The following ACMSD variants were observed in gnomAD, a reference collection of about 807,000 sequenced individuals.
The protein encoded by ACMSD is 2-amino-3-carboxymuconate-6-semialdehyde decarboxylase.
ACMSD carries 37 observed loss-of-function variants against 45.9 expected under a neutral mutation model. That is an observed-to-expected ratio of 0.81 (90% CI 0.62 to 1.06). The LOEUF (loss-of-function observed/expected upper bound fraction) is 1.06. ACMSD is among the 50% of genes least tolerant of loss of function. The pLI, the probability that ACMSD is intolerant of heterozygous loss-of-function variation, is 0.00. For synonymous variants in ACMSD, 138 were observed against 148.8 expected (o/e 0.93, Z 0.53); for missense variants, 434 against 420.9 (o/e 1.03, Z -0.27).
chr2:134,877,805 A>G (rs143536594), intron 8 of ACMSD, among the ~76,000 whole-genome samples: 1 of 152,272 alleles, frequency 6.6e-6, no homozygotes, highest in African/African-American at 2.4e-5. Flanking sequence ...TAATTCCATC[A>G]CATTTTATTC....
At chr2:134,840,226 A>AT (rs1426275836) in intron 1 of ACMSD, among the ~76,000 whole-genome samples, 18 of 134,872 alleles carry the variant, frequency 1.3e-4, no homozygotes, top group African/African-American at 5.0e-4. Flanking sequence ...TTTTTTCTCT[A>AT]TTTGAGTATG....
chr2:134,900,833 T>A (rs1690458401), intron 9 of ACMSD, among the ~76,000 whole-genome samples: 1 of 152,194 alleles, frequency 6.6e-6, no homozygotes. Flanking sequence ...TGGGTTATAG[T>A]GTATGGATGC....
rs749014739 is a variant in ACMSD, at chr2:134,898,369, C to T, written c.878C>T (p.Pro293Leu). 121 of 1,597,820 alleles carry T rather than the reference C, an allele frequency of 7.6e-5. No homozygotes were observed. Among genetic ancestry groups the T allele is most frequent in the Non-Finnish European group, 9.4e-5 (110 of 1,173,370 alleles). ...AAAGTCATTTTGGGAACCGATTACC[C>T]CTTTCCACTAGGTGAGCTGGAACCT... ...KDKVILGTDY[P>L]FPLGELEPGK... Residue 293 changes from proline to leucine, a missense_variant, in exon 9 of 10, where the codon CCC (proline) becomes CTC (leucine). By Grantham distance (98) the Pro-to-Leu change is moderately conservative. Coordinates refer to ENST00000356140, the MANE Select transcript of ACMSD (RefSeq NM_138326.3).
intron 1 of ACMSD, among the ~76,000 whole-genome samples, chr2:134,843,231 G>A (rs1686888118): frequency 6.6e-6 from 1 of 152,184 alleles, no homozygotes; most frequent in East Asian, 1.9e-4. Flanking sequence ...AGCAGGGGTT[G>A]AGGGCACAAG....
chr2:134,856,905 G>T (rs943681020), intron 2 of ACMSD, among the ~76,000 whole-genome samples: 8 of 151,020 alleles, frequency 5.3e-5, no homozygotes, highest in Middle Eastern at 3.4e-3. Context: ...GAAATGTATG[G>T]TTTTTTTTTC....
At chr2:134,859,943 C>A (rs1392275567) in intron 3 of ACMSD, among the ~76,000 whole-genome samples, 1 of 152,170 alleles carries the variant, frequency 6.6e-6, no homozygotes, top group Non-Finnish European at 1.5e-5. Context: ...GAACATCTTG[C>A]ACTTTTTACC....
At chr2:134,880,992 T>G (rs559175828) in intron 8 of ACMSD, among the ~76,000 whole-genome samples, 1 of 152,200 alleles carries the variant, frequency 6.6e-6, no homozygotes, top group East Asian at 1.9e-4. Flanking sequence ...TCTATTCATA[T>G]GTTATTCACT....
intron 8 of ACMSD, among the ~76,000 whole-genome samples, chr2:134,888,479 A>G (rs938823816): frequency 8.5e-5 from 13 of 152,198 alleles, no homozygotes; most frequent in African/African-American, 2.9e-4. Flanking sequence ...ACCTAAGAGA[A>G]CTGAAAATAC....
At chr2:134,839,741 T>C (rs561498324) in intron 1 of ACMSD, among the ~76,000 whole-genome samples, 2 of 152,156 alleles carry the variant, frequency 1.3e-5, no homozygotes, top group African/African-American at 2.4e-5. Context: ...AAAAACAAAA[T>C]CTTTGAAAGC....
At chr2:134,872,129 T>C (rs1459181423) in intron 7 of ACMSD, among the ~76,000 whole-genome samples, 1 of 152,018 alleles carries the variant, frequency 6.6e-6, no homozygotes. Flanking sequence ...ACTAATTTTT[T>C]TGTATTTTTA....
chr2:134,894,553 A>G (rs890364709), intron 8 of ACMSD, among the ~76,000 whole-genome samples: 2 of 152,150 alleles, frequency 1.3e-5, no homozygotes, highest in African/African-American at 4.8e-5. Context: ...GAATTAAAAC[A>G]AATTCTTCAC....
intron 9 of ACMSD, among the ~76,000 whole-genome samples, chr2:134,899,557 C>A (rs2104975592): frequency 6.6e-6 from 1 of 152,112 alleles, no homozygotes; most frequent in East Asian, 1.9e-4. Context: ...AGATGACCCA[C>A]ATATCCTGAT....
chr2:134,879,353 T>C (rs1422471985), intron 8 of ACMSD, among the ~76,000 whole-genome samples: 3 of 152,224 alleles, frequency 2.0e-5, no homozygotes, highest in African/African-American at 4.8e-5. Context: ...ATAAGAGTCT[T>C]TACAAGGACC....
intron 2 of ACMSD, among the ~76,000 whole-genome samples, chr2:134,855,094 A>G (rs1687519759): frequency 6.6e-6 from 1 of 152,084 alleles, no homozygotes; most frequent in Non-Finnish European, 1.5e-5. Context: ...ATGAAAAGAC[A>G]TGTGTTCCTA....
chr2:134,865,361 C>T (rs142446201), intron 5 of ACMSD, among the ~76,000 whole-genome samples: 8 of 152,260 alleles, frequency 5.3e-5, no homozygotes, highest in African/African-American at 1.9e-4. Context: ...ACAGTGTGAT[C>T]GAGACTTCAG....
At chr2:134,869,177 C>T (rs1369659607) in intron 6 of ACMSD, 3 of 151,854 alleles carry the variant, frequency 2.0e-5, no homozygotes. Context: ...CACCCTTATT[C>T]ACAAAACTCT....
At chr2:134,845,805 C>A (rs924869028) in intron 2 of ACMSD, among the ~76,000 whole-genome samples, 2 of 152,088 alleles carry the variant, frequency 1.3e-5, no homozygotes, top group African/African-American at 4.8e-5. Flanking sequence ...CTAGAAATAA[C>A]GAGCCCCAAG....
At chr2:134,843,264 G>C (rs1686889206) in intron 1 of ACMSD, among the ~76,000 whole-genome samples, 1 of 152,200 alleles carries the variant, frequency 6.6e-6, no homozygotes, top group African/African-American at 2.4e-5. Context: ...TGGATGCAGA[G>C]AGGAGAAACT....
chr2:134,889,175 T>C (rs1573714857), intron 8 of ACMSD, among the ~76,000 whole-genome samples: 1 of 151,668 alleles, frequency 6.6e-6, no homozygotes, highest in African/African-American at 2.4e-5. Context: ...ATCTGAAGAG[T>C]AGGAAGAAGA....
Sources: gnomAD v4.1 joint callset for allele counts (sites outside exome capture counted in the v4.1 genomes callset) on GRCh38, gnomAD v4.1.1 for gene constraint, MANE v1.5 for transcripts, NCBI Gene and HGNC (gene_info 2026-07-23, HGNC 2026-07-21) for gene names.